The following DLC1 variants were observed in gnomAD, a reference collection of about 807,000 sequenced individuals.
DLC1 encodes the protein rho GTPase-activating protein 7.
In DLC1, 54 loss-of-function variants were observed where a neutral mutation model predicts 140.3. The observed-to-expected ratio is 0.38, with a 90% CI of 0.31 to 0.48. DLC1 has a LOEUF of 0.48. Among genes scored for constraint, DLC1 ranks in the 20% least tolerant of loss-of-function variants. The pLI is 0.96. For missense variants in DLC1, 2,536 were observed against 1,907.0 expected (o/e 1.33, Z -6.14); for synonymous variants, 986 against 728.1 (o/e 1.35, Z -5.70).
At chr8:13,152,682 C>A (rs1443273648) in intron 5 of DLC1, among the ~76,000 whole-genome samples, 1 of 151,698 alleles carries the variant, frequency 6.6e-6, no homozygotes, top group Non-Finnish European at 1.5e-5. Context: ...TGGCTTGGGC[C>A]CATAGTCCCA....
At chr8:13,430,719 C>A (rs780639616) in intron 2 of DLC1, among the ~76,000 whole-genome samples, 53 of 152,104 alleles carry the variant, frequency 3.5e-4, no homozygotes, top group Middle Eastern at 3.2e-3. Flanking sequence ...AATGGGAAGG[C>A]TGAAAAGAAT....
intron 1 of DLC1, among the ~76,000 whole-genome samples, chr8:13,559,599 A>C (rs919713038): frequency 6.6e-6 from 1 of 152,222 alleles, no homozygotes; most frequent in Non-Finnish European, 1.5e-5. Flanking sequence ...AGTGAAAGCT[A>C]ACATTGTAAG....
chr8:13,112,319 A>G (rs936150352), intron 6 of DLC1, among the ~76,000 whole-genome samples: 22 of 152,126 alleles, frequency 1.4e-4, no homozygotes, highest in Non-Finnish European at 2.9e-4. Flanking sequence ...TCTTATGATT[A>G]CTGGTTTTAT....
At chr8:13,261,974 A>T (rs996431552) in intron 5 of DLC1, among the ~76,000 whole-genome samples, 1 of 152,176 alleles carries the variant, frequency 6.6e-6, no homozygotes, top group Non-Finnish European at 1.5e-5. Flanking sequence ...TTTAGCTTAG[A>T]TATGAAGAAG....
At chr8:13,321,830 A>G (rs1010927937) in intron 4 of DLC1, among the ~76,000 whole-genome samples, 9 of 152,326 alleles carry the variant, frequency 5.9e-5, no homozygotes, top group African/African-American at 1.9e-4. Context: ...CCAAATTGAC[A>G]TAGGCCAGAT....
At chr8:13,272,335 C>G (rs1830967834) in intron 5 of DLC1, among the ~76,000 whole-genome samples, 1 of 152,052 alleles carries the variant, frequency 6.6e-6, no homozygotes, top group Non-Finnish European at 1.5e-5. Flanking sequence ...GTAATCCCAG[C>G]TACTCGAGAG....
intron 2 of DLC1, among the ~76,000 whole-genome samples, chr8:13,431,878 T>C (rs766152193): frequency 3.3e-5 from 5 of 152,022 alleles, no homozygotes; most frequent in Non-Finnish European, 7.4e-5. Flanking sequence ...TCAGGACAGA[T>C]AAAAGGTAAT....
chr8:13,085,973 T>A, intron 17 of DLC1, 42 bp from the exon 18 acceptor site: 1 of 1,604,078 alleles, frequency 6.2e-7, no homozygotes, highest in Non-Finnish European at 8.5e-7. Flanking sequence ...TTATTTAAGT[T>A]AGAAAGCATG....
At chr8:13,564,969 C>T (rs910111378) in intron 1 of DLC1, among the ~76,000 whole-genome samples, 4 of 152,108 alleles carry the variant, frequency 2.6e-5, no homozygotes, top group African/African-American at 7.2e-5. Context: ...CCCAACAGCC[C>T]CTGAGAGATG....
intron 1 of DLC1, among the ~76,000 whole-genome samples, chr8:13,531,661 G>A (rs1803102550): frequency 6.6e-6 from 1 of 152,046 alleles, no homozygotes; most frequent in Non-Finnish European, 1.5e-5. Flanking sequence ...AATAATAGGT[G>A]GAATTTGAGG....
intron 5 of DLC1, among the ~76,000 whole-genome samples, chr8:13,160,848 G>T (rs1824635024): frequency 6.6e-6 from 1 of 152,202 alleles, no homozygotes; most frequent in Non-Finnish European, 1.5e-5. Context: ...CACTTTGGGA[G>T]GCCAAGGCGG....
At chr8:13,584,657 A>T (rs1249012145) in intron 1 of DLC1, 1 of 152,128 alleles carries the variant, frequency 6.6e-6, no homozygotes, top group Non-Finnish European at 1.5e-5. Context: ...TGATGAGAGA[A>T]CTACAATGAT....
At chr8:13,104,157 A>C (rs373125073) in intron 7 of DLC1, among the ~76,000 whole-genome samples, 10 of 152,228 alleles carry the variant, frequency 6.6e-5, no homozygotes, top group African/African-American at 2.2e-4. Flanking sequence ...ACGGCAAATG[A>C]TCATTTAAAG....
At chr8:13,108,731 T>TGCA (rs1819801869) in intron 7 of DLC1, among the ~76,000 whole-genome samples, 1 of 152,176 alleles carries the variant, frequency 6.6e-6, no homozygotes, top group Non-Finnish European at 1.5e-5. Flanking sequence ...TTTCCTAAGA[T>TGCA]GCATCTCAGA....
chr8:13,217,957 G>T (rs762473312), intron 5 of DLC1, among the ~76,000 whole-genome samples: 14 of 151,976 alleles, frequency 9.2e-5, no homozygotes, highest in Non-Finnish European at 1.6e-4. Flanking sequence ...CTCACTCTGG[G>T]AACCATTTTA....
At chr8:13,319,060 CATCA>C (rs1043650318) in intron 4 of DLC1, among the ~76,000 whole-genome samples, 3 of 152,182 alleles carry the variant, frequency 2.0e-5, no homozygotes, top group African/African-American at 7.2e-5. Context: ...TGGAATTCTT[CATCA>C]ATCAGCAGTG....
intron 2 of DLC1, among the ~76,000 whole-genome samples, chr8:13,413,049 G>C (rs1425938113): frequency 6.6e-6 from 1 of 151,832 alleles, no homozygotes; most frequent in Non-Finnish European, 1.5e-5. Context: ...CTTTAGTCTG[G>C]TGTCCTTGTG....
chr8:13,141,563 CTCTT>C (rs1156997175), intron 5 of DLC1, among the ~76,000 whole-genome samples: 1 of 152,100 alleles, frequency 6.6e-6, no homozygotes. Context: ...CTGTATGTTG[CTCTT>C]TCTTTCTGGT....
intron 4 of DLC1, among the ~76,000 whole-genome samples, chr8:13,376,496 C>T (rs542015469): frequency 6.6e-6 from 1 of 152,100 alleles, no homozygotes; most frequent in Non-Finnish European, 1.5e-5. Flanking sequence ...TGCAACCTAC[C>T]CTTTCAATCA....
Sources: allele counts gnomAD v4.1 joint callset (sites outside exome capture counted in the v4.1 genomes callset), GRCh38; gene constraint gnomAD v4.1.1; transcripts MANE v1.5; gene names NCBI Gene and HGNC (gene_info 2026-07-23, HGNC 2026-07-21).